The following CNTNAP2 variants were observed in gnomAD, a reference collection of about 807,000 sequenced individuals.
CNTNAP2 encodes the protein contactin-associated protein-like 2.
A neutral mutation model predicts 155.2 loss-of-function variants in CNTNAP2; 98 were observed. That is an observed-to-expected ratio of 0.63 (90% CI 0.54 to 0.75). The LOEUF (loss-of-function observed/expected upper bound fraction) is 0.75. Among genes scored for constraint, CNTNAP2 ranks in the 30% least tolerant of loss-of-function variants. The probability of loss-of-function intolerance (pLI) is 0.00; values close to 1 mark genes in which losing one functional copy is unlikely to be tolerated. For synonymous variants in CNTNAP2, 651 were observed against 631.2 expected, an observed-to-expected ratio of 1.03 and a Z score of -0.47; for missense variants, 1,727 against 1,688.1, an observed-to-expected ratio of 1.02 and a Z score of -0.40.
intron 15 of CNTNAP2, among the ~76,000 whole-genome samples, chr7:147,985,948 T>C (rs889349222): frequency 2.0e-5 from 3 of 152,172 alleles, no homozygotes; most frequent in Non-Finnish European, 2.9e-5. Flanking sequence ...ACTGACTTCC[T>C]ACATGAAATC....
chr7:147,417,185 A>G (rs1797208234), intron 10 of CNTNAP2, among the ~76,000 whole-genome samples: 1 of 152,158 alleles, frequency 6.6e-6, no homozygotes, highest in South Asian at 2.1e-4. Flanking sequence ...TGTATCACAG[A>G]GGCTTAGAAT....
At chr7:147,320,470 AC>A (rs1351452578) in intron 9 of CNTNAP2, among the ~76,000 whole-genome samples, 1 of 152,138 alleles carries the variant, frequency 6.6e-6, no homozygotes, top group Admixed American at 6.6e-5. Context: ...ACCTATATTA[AC>A]CCTTTTTCCA....
chr7:148,194,769 C>T lies in CNTNAP2; in HGVS notation c.3010+22291C>T, dbSNP rs140773400. Among the ~76,000 whole-genome samples, 556 of 152,290 alleles carry T rather than the reference C, an allele frequency of 3.7e-3. 4 individuals are homozygous for T. The highest frequency in any genetic ancestry group is 0.012 in the African/African-American group (517 of 41,556). On this transcript the variant is annotated intron_variant, in intron 18 of 23. Transcript: ENST00000361727. ...CCAGCTCAAGAAAAAAAAGAGACAA[C>T]TTACCCTTCCTTCACCTTTTTGTTC... is the stretch of plus-strand genomic sequence containing the variant.
intron 1 of CNTNAP2, among the ~76,000 whole-genome samples, chr7:146,483,617 A>C (rs1383959594): frequency 2.6e-5 from 4 of 151,378 alleles, no homozygotes; most frequent in Admixed American, 1.3e-4. Flanking sequence ...CAAGAATAAA[A>C]AAAGTTTTTA....
intron 13 of CNTNAP2, among the ~76,000 whole-genome samples, chr7:147,805,863 G>T (rs973205573): frequency 1.3e-5 from 2 of 152,152 alleles, no homozygotes; most frequent in Non-Finnish European, 2.9e-5. Context: ...AATGGATTGA[G>T]GGCTTCAATG....
At chr7:147,368,574 G>A (rs1051305910) in intron 9 of CNTNAP2, among the ~76,000 whole-genome samples, 3 of 152,060 alleles carry the variant, frequency 2.0e-5, no homozygotes, top group East Asian at 1.9e-4. Flanking sequence ...CTCTGCCCAC[G>A]GCCCGGTCAG....
At chr7:146,789,846 A>G (rs1405465090) in intron 2 of CNTNAP2, among the ~76,000 whole-genome samples, 2 of 151,072 alleles carry the variant, frequency 1.3e-5, no homozygotes, top group African/African-American at 4.9e-5. Flanking sequence ...AAGAAAATGA[A>G]TAACAGGAGT....
At chr7:146,369,050 T>TATATATACAC (rs1286983889) in intron 1 of CNTNAP2, among the ~76,000 whole-genome samples, 9 of 139,188 alleles carry the variant, frequency 6.5e-5, no homozygotes, top group African/African-American at 2.4e-4. Context: ...TATATATATA[T>TATATATACAC]ACATATATAT....
At chr7:147,457,986 T>G (rs1797951719) in intron 10 of CNTNAP2, among the ~76,000 whole-genome samples, 1 of 152,146 alleles carries the variant, frequency 6.6e-6, no homozygotes, top group African/African-American at 2.4e-5. Context: ...TCCTTTTCAT[T>G]CAGACTCACA....
intron 6 of CNTNAP2, among the ~76,000 whole-genome samples, chr7:147,124,978 T>C (rs563316114): frequency 6.8e-6 from 1 of 147,510 alleles, no homozygotes; most frequent in Admixed American, 7.0e-5. Context: ...CCTCCCGGGT[T>C]CAAGTGATTC....
intron 9 of CNTNAP2, among the ~76,000 whole-genome samples, chr7:147,315,068 C>G (rs1311568226): frequency 7.2e-6 from 1 of 139,392 alleles, no homozygotes; most frequent in East Asian, 2.1e-4. Context: ...TCATACCAGG[C>G]TTTCACACTT....
chr7:146,269,731 TATTA>T (rs2129083104), intron 1 of CNTNAP2, among the ~76,000 whole-genome samples: 1 of 152,312 alleles, frequency 6.6e-6, no homozygotes, highest in African/African-American at 2.4e-5. Context: ...ATGTAAACAT[TATTA>T]ATTCCAACTA....
intron 3 of CNTNAP2, among the ~76,000 whole-genome samples, chr7:146,902,285 A>C (rs1002392352): frequency 4.6e-5 from 7 of 151,982 alleles, no homozygotes; most frequent in East Asian, 1.9e-4. Flanking sequence ...ACTACTCATA[A>C]TTTCTCACTT....
chr7:147,571,726 C>T (rs1021634104), intron 12 of CNTNAP2, among the ~76,000 whole-genome samples: 2 of 152,136 alleles, frequency 1.3e-5, no homozygotes, highest in African/African-American at 4.8e-5. Context: ...AAGTTGGGCG[C>T]TACTAAGCTT....
intron 3 of CNTNAP2, among the ~76,000 whole-genome samples, chr7:147,020,359 A>G (rs1563046293): frequency 6.6e-6 from 1 of 152,206 alleles, no homozygotes; most frequent in Non-Finnish European, 1.5e-5. Context: ...TCATAACACA[A>G]TAGAAAGGCT....
intron 3 of CNTNAP2, among the ~76,000 whole-genome samples, chr7:146,866,046 C>T (rs917598640): frequency 6.6e-6 from 1 of 152,046 alleles, no homozygotes; most frequent in Non-Finnish European, 1.5e-5. Flanking sequence ...TGTTATTATT[C>T]AGAGGTGCCA....
intron 13 of CNTNAP2, among the ~76,000 whole-genome samples, chr7:147,714,984 T>C (rs1009317532): frequency 6.6e-6 from 1 of 152,154 alleles, no homozygotes; most frequent in Non-Finnish European, 1.5e-5. Context: ...TTTTTTGAGG[T>C]TCACGCAAGA....
intron 21 of CNTNAP2, among the ~76,000 whole-genome samples, chr7:148,311,177 G>A (rs545293225): frequency 7.6e-4 from 115 of 152,228 alleles, no homozygotes; most frequent in African/African-American, 2.6e-3. Flanking sequence ...GAAATGTCTG[G>A]GGAGGTCTTG....
intron 20 of CNTNAP2, among the ~76,000 whole-genome samples, chr7:148,247,168 C>T (rs182182029): frequency 1.3e-5 from 2 of 152,272 alleles, no homozygotes; most frequent in East Asian, 3.9e-4. Context: ...CAGATTGGTC[C>T]TTATTGGCCA....
Sources: gnomAD v4.1 joint callset for allele counts (sites outside exome capture counted in the v4.1 genomes callset) on GRCh38, gnomAD v4.1.1 for gene constraint, MANE v1.5 for transcripts, NCBI Gene and HGNC (gene_info 2026-07-23, HGNC 2026-07-21) for gene names.